SPON1: variants seen among roughly 807,000 people sequenced by gnomAD.
SPON1 encodes spondin-1.
A neutral mutation model predicts 111.7 loss-of-function variants in SPON1; 52 were observed. That is an observed-to-expected ratio of 0.47 (90% CI 0.37 to 0.59). SPON1 has a LOEUF of 0.59. Ranked by LOEUF, SPON1 falls within the 20% of genes least tolerant of loss-of-function variation. The pLI is 0.00. For missense variants in SPON1, 957 were observed against 1,068.5 expected (o/e 0.90, Z 1.46); for synonymous variants, 410 against 395.8 (o/e 1.04, Z -0.43).
chr11:14,136,566 G>T (rs1847594439), intron 6 of SPON1, among the ~76,000 whole-genome samples: 1 of 152,166 alleles, frequency 6.6e-6, no homozygotes, highest in South Asian at 2.1e-4. Flanking sequence ...GGCCCGCAGT[G>T]TTCCCCACCA....
chr11:13,985,904 G>T (rs972960123), intron 2 of SPON1, among the ~76,000 whole-genome samples: 1 of 152,172 alleles, frequency 6.6e-6, no homozygotes, highest in African/African-American at 2.4e-5. Context: ...TTGTCTCAGA[G>T]ATTTGGGGGA....
In SPON1 at chr11:14,008,548, A is replaced by G. The variant is rs1443753728; in HGVS notation, c.345+25595A>G. On this transcript the variant is annotated intron_variant, in intron 2 of 15. Transcript: ENST00000576479. ...TTGTTGTGTTCTCTATGGGGGGAAA[A>G]GAAAAGAAAGAAAAAGAAATCCCTG... 5.3e-5 allele frequency among the ~76,000 whole-genome samples: 8 copies of G among 152,172 alleles called. No homozygotes were observed. The East Asian group carries it at 1.5e-3, about 29-fold the overall frequency.
chr11:14,259,519 C>A lies in SPON1; in HGVS notation c.1664-15C>A. The A allele has an allele frequency of 6.4e-7, 1 of 1,558,584 alleles. No homozygotes were observed. Among genetic ancestry groups the A allele is most frequent in the Non-Finnish European group, 8.7e-7 (1 of 1,151,586 alleles). On this transcript the variant is annotated splice_polypyrimidine_tract_variant and intron_variant, in intron 12 of 15. Transcript: ENST00000576479. This position sits in a 1 kb window ranked among gnomAD's most constrained non-coding sequence, Gnocchi z 5.0. Reference sequence around the variant, plus strand: ...GAGGCAGCAGGTGCGACTCCAATGCCGCTGGCCTCCCCAGCTCCCAGCAGC... The same window carrying A: ...GAGGCAGCAGGTGCGACTCCAATGCAGCTGGCCTCCCCAGCTCCCAGCAGC...
intron 6 of SPON1, among the ~76,000 whole-genome samples, chr11:14,143,165 C>G (rs1433551601): frequency 6.6e-6 from 1 of 152,206 alleles, no homozygotes; most frequent in African/African-American, 2.4e-5. Context: ...CCCCCTGCAT[C>G]AGATATCTAC....
chr11:14,081,632 G>A (rs1848962971), intron 5 of SPON1, among the ~76,000 whole-genome samples: 3 of 151,902 alleles, frequency 2.0e-5, no homozygotes, highest in African/African-American at 7.3e-5. Flanking sequence ...GTTTTTTTCT[G>A]TTCATTGTCT....
At chr11:14,096,198 A>T (rs893856512) in intron 5 of SPON1, among the ~76,000 whole-genome samples, 1 of 152,148 alleles carries the variant, frequency 6.6e-6, no homozygotes, top group African/African-American at 2.4e-5. Context: ...TCACTCATGT[A>T]TGGGTTGGGA....
intron 6 of SPON1, among the ~76,000 whole-genome samples, chr11:14,167,781 A>T (rs1848047831): frequency 6.6e-6 from 1 of 152,136 alleles, no homozygotes; most frequent in Non-Finnish European, 1.5e-5. Context: ...GTCCCACATC[A>T]GTATGATTTT....
intron 6 of SPON1, among the ~76,000 whole-genome samples, chr11:14,206,923 G>C (rs781838606): frequency 6.6e-6 from 1 of 151,934 alleles, no homozygotes; most frequent in Non-Finnish European, 1.5e-5. Context: ...AGCCCAAATA[G>C]CAAAGGCAAT....
In SPON1 at chr11:14,160,945, T is replaced by TTATA. The variant is rs1564919790; in HGVS notation, c.825+25381_825+25384dup. On this transcript the variant is annotated intron_variant, in intron 6 of 15. Transcript: ENST00000576479. ...TATATTTATATATTTATATATATAT[T>TTATA]TATATATTTATATATATTTATATAT... Among the ~76,000 whole-genome samples the TTATA allele has an allele frequency of 6.9e-3, 277 of 40,300 alleles. 18 individuals are homozygous for TTATA. Among genetic ancestry groups the TTATA allele is most frequent in the African/African-American group, 0.023 (259 of 11,188 alleles). The allele number at this position is 40,300 out of a possible 152,430, so 26.4% of individuals were successfully genotyped here.
chr11:13,968,630 ATTTCTACTAAACAGCACTGTT>A lies in SPON1; in HGVS notation c.238+5491_238+5511del, dbSNP rs1848037932. On this transcript the variant is annotated intron_variant, in intron 1 of 15. Transcript: ENST00000576479. The stretch of plus-strand genomic sequence containing the variant: ...AATTAATTTCACCCAGCTTGAGCTT[ATTTCTACTAAACAGCACTGTT>A]TTAAGTTGCTGTTCTCCTCAGCACC... Among the ~76,000 whole-genome samples the A allele has an allele frequency of 2.0e-5, 3 of 152,218 alleles. No individual in the cohort carries two copies. The South Asian group carries it at 6.2e-4, about 32-fold the overall frequency.
chr11:14,121,317 T>C (rs997244268), intron 5 of SPON1, among the ~76,000 whole-genome samples: 63 of 152,372 alleles, frequency 4.1e-4, no homozygotes, highest in African/African-American at 1.4e-3. Context: ...AGCATACTTT[T>C]ATTTTTAAAT....
chr11:14,161,334 T>A (rs1469650455), intron 6 of SPON1, among the ~76,000 whole-genome samples: 1 of 140,870 alleles, frequency 7.1e-6, no homozygotes, highest in Non-Finnish European at 1.5e-5. Flanking sequence ...TTTATATATA[T>A]ATAAGATGGA....
intron 6 of SPON1, among the ~76,000 whole-genome samples, chr11:14,196,520 T>C (rs1026126127): frequency 1.3e-5 from 2 of 152,188 alleles, no homozygotes; most frequent in African/African-American, 2.4e-5. Flanking sequence ...ATGTGCTCAG[T>C]AAACATTTGT....
chr11:14,203,070 GC>G (rs1462303559), intron 6 of SPON1, among the ~76,000 whole-genome samples: 4 of 152,144 alleles, frequency 2.6e-5, no homozygotes, highest in Non-Finnish European at 4.4e-5. Context: ...CCCTGCCAGG[GC>G]GCAAGATGTC....
At chr11:14,186,508 A>G (rs1286540027) in intron 6 of SPON1, among the ~76,000 whole-genome samples, 1 of 152,136 alleles carries the variant, frequency 6.6e-6, no homozygotes, top group East Asian at 1.9e-4. Context: ...CATTTGATGT[A>G]GTGGGAAATT....
At chr11:14,222,285 G>A (rs1478239622) in intron 6 of SPON1, among the ~76,000 whole-genome samples, 2 of 152,196 alleles carry the variant, frequency 1.3e-5, no homozygotes, top group African/African-American at 4.8e-5. Flanking sequence ...AGTTGTGACA[G>A]GTGACAGAGG....
chr11:14,035,421 C>G (rs1848587158), intron 2 of SPON1, among the ~76,000 whole-genome samples: 1 of 152,042 alleles, frequency 6.6e-6, no homozygotes, highest in South Asian at 2.1e-4. Flanking sequence ...ATGTAAAGGT[C>G]TTCATCAAGA....
chr11:14,171,160 C>T (rs1316474246), intron 6 of SPON1, among the ~76,000 whole-genome samples: 1 of 152,142 alleles, frequency 6.6e-6, no homozygotes, highest in Non-Finnish European at 1.5e-5. Flanking sequence ...TAATTATTGC[C>T]TCAATTTCAG....
At chr11:14,162,712 C>T (rs550883695) in intron 6 of SPON1, among the ~76,000 whole-genome samples, 3 of 152,094 alleles carry the variant, frequency 2.0e-5, no homozygotes, top group African/African-American at 4.8e-5. Flanking sequence ...AAGATTTTAC[C>T]AAATTATGTA....
Sources: allele counts gnomAD v4.1 joint callset (sites outside exome capture counted in the v4.1 genomes callset), GRCh38; gene constraint gnomAD v4.1.1; non-coding constraint Gnocchi (gnomAD v3.1); transcripts MANE v1.5; gene names NCBI Gene and HGNC (gene_info 2026-07-23, HGNC 2026-07-21).